Variants in RPH3AL observed in about 807,000 individuals in gnomAD.
RPH3AL encodes rabphilin 3A like (without C2 domains), also known as rab effector Noc2.
In RPH3AL, 38 loss-of-function variants were observed where a neutral mutation model predicts 43.1. That is an observed-to-expected ratio of 0.88 (90% CI 0.68 to 1.15). The LOEUF (loss-of-function observed/expected upper bound fraction) is 1.15. Ranked by LOEUF, RPH3AL falls within the 50% of genes most tolerant of loss-of-function variation. RPH3AL has a pLI of 0.00. For missense variants in RPH3AL, 462 were observed against 423.2 expected (o/e 1.09, Z -0.81); for synonymous variants, 189 against 176.3 (o/e 1.07, Z -0.57).
rs1555540477 is a variant in RPH3AL, at chr17:247,236, A to T, written c.488T>A (p.Ile163Asn). The change falls in exon 7 of 10, where the codon ATC (isoleucine) becomes AAC (asparagine). Residue 163 changes from isoleucine to asparagine, a missense_variant. Transcript: ENST00000331302. ...AWFYKGLPKY[I>N]LPLKTPGRAD... ...TCGGCCAGGGGTCTTCAGGGGCAAG[A>T]TATACTTGGGGAGCCCTTTGTAGAA... The T allele has an allele frequency of 1.2e-6, 2 of 1,611,210 alleles. No homozygotes were observed. The highest frequency in any genetic ancestry group is 1.7e-4 in the Middle Eastern group (1 of 5,842).
At chr17:315,648 C>CCCACCTCCATGGGCCTGTAGTCT (rs1224912295) in intron 5 of RPH3AL, among the ~76,000 whole-genome samples, 5 of 49,624 alleles carry the variant, frequency 1.0e-4, no homozygotes, top group Admixed American at 2.3e-4. Context: ...ACCTGTAGTC[C>CCCACCTCCATGGGCCTGTAGTCT]CTGTGCTCCA....
chr17:332,292 G>A (rs1013661151), intron 2 of RPH3AL: 19 of 260,992 alleles, frequency 7.3e-5, no homozygotes, highest in Admixed American at 1.5e-4. Flanking sequence ...GTGTGTGTGC[G>A]CGTGTGTGTG....
chr17:293,499 T>A (rs2043095710), intron 5 of RPH3AL, among the ~76,000 whole-genome samples: 1 of 151,456 alleles, frequency 6.6e-6, no homozygotes, highest in Non-Finnish European at 1.5e-5. Flanking sequence ...GGCAGCGGGG[T>A]CCAGGGGCCT....
intron 7 of RPH3AL, among the ~76,000 whole-genome samples, chr17:238,300 TGAAAC>T (rs1218712931): frequency 7.1e-6 from 1 of 140,438 alleles, no homozygotes; most frequent in Non-Finnish European, 1.6e-5. Flanking sequence ...AGCAACAAAA[TGAAAC>T]GAAACTCCAG....
In RPH3AL at chr17:274,357, G is replaced by A. The variant is rs1240441565; in HGVS notation, c.438+7411C>T. On this transcript the variant is annotated intron_variant, in intron 6 of 9. Coordinates refer to ENST00000331302, the MANE Select transcript of RPH3AL (RefSeq NM_006987.4). The surrounding 1 kb of genome is among the most constrained non-coding windows in gnomAD (Gnocchi z 4.7). Reference sequence around the variant, plus strand: ...CCACCTGGGCCTCGCCTGCCTGGCTGGAGTAGGGGCAGCAGCTGAAGCCGC... The same window carrying A: ...CCACCTGGGCCTCGCCTGCCTGGCTAGAGTAGGGGCAGCAGCTGAAGCCGC... Among the ~76,000 whole-genome samples, 3 of 152,242 alleles carry A rather than the reference G, an allele frequency of 2.0e-5. No individual in the cohort carries two copies. The highest frequency in any genetic ancestry group is 2.9e-5 in the Non-Finnish European group (2 of 68,044).
At position 213,848 on chromosome 17, in the gene RPH3AL, C is replaced by A. The variant is rs1231475844; in HGVS notation, c.*4G>T. On this transcript the variant is annotated 3_prime_UTR_variant, in exon 10 of 10. Coordinates refer to ENST00000331302, the MANE Select transcript of RPH3AL (RefSeq NM_006987.4). ...AGGGAAGTCTGTTCCAGGCACCAGA[C>A]ACCTCAGCCCAGGCAGCTGGAGGGG... is the stretch of plus-strand genomic sequence containing the variant. The A allele has an allele frequency of 6.2e-7, 1 of 1,612,772 alleles. No homozygotes were observed. Among genetic ancestry groups the A allele is most frequent in the Non-Finnish European group, 8.5e-7 (1 of 1,179,328 alleles).
At chr17:341,593 G>C in intron 1 of RPH3AL, among the ~76,000 whole-genome samples, 1 of 152,186 alleles carries the variant, frequency 6.6e-6, no homozygotes, top group East Asian at 1.9e-4. Flanking sequence ...AGATTTGGCA[G>C]TGATTTCTTA....
chr17:252,802 A>G (rs1482255337), intron 6 of RPH3AL, among the ~76,000 whole-genome samples: 1 of 152,224 alleles, frequency 6.6e-6, no homozygotes, highest in Non-Finnish European at 1.5e-5. Context: ...TATTTGCATT[A>G]TACTTAACCA....
intron 5 of RPH3AL, among the ~76,000 whole-genome samples, chr17:315,438 G>T (rs553993947): frequency 1.5e-5 from 2 of 136,950 alleles, no homozygotes; most frequent in African/African-American, 5.7e-5. Flanking sequence ...TGTAGTCCCT[G>T]TGCCTCACCT....
intron 6 of RPH3AL, among the ~76,000 whole-genome samples, chr17:279,685 A>C (rs2042733459): frequency 6.6e-6 from 1 of 152,182 alleles, no homozygotes. Flanking sequence ...GCCCTCCCAC[A>C]GCTCAGCTGT....
intron 5 of RPH3AL, among the ~76,000 whole-genome samples, chr17:286,925 G>GTCAGACCTCACACCCTCTCTCCACCA: frequency 8.9e-6 from 1 of 112,648 alleles, no homozygotes; most frequent in Non-Finnish European, 1.9e-5. Flanking sequence ...TCTCTCCACC[G>GTCAGACCTCACACCCTCTCTCCACCA]TCAGACCTCG....
At chr17:237,871 G>C (rs1407635172) in intron 7 of RPH3AL, among the ~76,000 whole-genome samples, 1 of 152,228 alleles carries the variant, frequency 6.6e-6, no homozygotes, top group African/African-American at 2.4e-5. Context: ...CAGCAGGCCG[G>C]GTGCGGTGGC....
At chr17:342,861 TAG>T (rs1231640038) in intron 1 of RPH3AL, among the ~76,000 whole-genome samples, 1 of 152,194 alleles carries the variant, frequency 6.6e-6, no homozygotes, top group Non-Finnish European at 1.5e-5. Context: ...AGAGAATTTA[TAG>T]AGTCTCATTG....
chr17:307,416 A>C (rs893249953), intron 5 of RPH3AL, among the ~76,000 whole-genome samples: 2 of 150,884 alleles, frequency 1.3e-5, no homozygotes, highest in African/African-American at 4.9e-5. Flanking sequence ...TCCCCACGGC[A>C]GATCCTCCCC....
chr17:291,578 G>A (rs1406165371), intron 5 of RPH3AL, among the ~76,000 whole-genome samples: 1 of 152,184 alleles, frequency 6.6e-6, no homozygotes, highest in African/African-American at 2.4e-5. Context: ...TGGCCTCGGT[G>A]CATGCACAAA....
intron 6 of RPH3AL, among the ~76,000 whole-genome samples, chr17:267,459 G>A (rs1172201060): frequency 2.0e-5 from 3 of 152,324 alleles, no homozygotes; most frequent in African/African-American, 4.8e-5. Context: ...CTTTTCAGAC[G>A]AGCGTCATGA....
At chr17:239,392 G>A (rs12937656) in intron 7 of RPH3AL, among the ~76,000 whole-genome samples, 4,097 of 152,294 alleles carry the variant, frequency 0.027, 95 homozygotes, top group Non-Finnish European at 0.038. Context: ...TTATGAGATA[G>A]GTCTGTTAGC....
In RPH3AL at chr17:333,398, C is replaced by T. The variant is rs2044854219; in HGVS notation, c.-37+361G>A. ...CTTAATGTAGCACCTTCCAACTTTTCCTGGGCATTTATGTACAAATTGTAA... is the reference window on the plus strand; with the variant it reads ...CTTAATGTAGCACCTTCCAACTTTTTCTGGGCATTTATGTACAAATTGTAA... On this transcript the variant is annotated intron_variant, in intron 2 of 9. Coordinates refer to ENST00000331302, the MANE Select transcript of RPH3AL (RefSeq NM_006987.4). The surrounding 1 kb of genome is among the most constrained non-coding windows in gnomAD (Gnocchi z 4.5). 1 of 843,454 alleles carries T rather than the reference C, an allele frequency of 1.2e-6. No individual in the cohort carries two copies. The highest frequency in any genetic ancestry group is 2.8e-5 in the Admixed American group (1 of 35,970). 52.2% of individuals were successfully genotyped at this position (843,454 alleles called of 1,614,324 possible). A position where few individuals can be genotyped will look rare whatever the true frequency, so the allele number is the denominator to read the frequency against.
In RPH3AL at chr17:247,129, T is replaced by A. The variant is rs1411847110; in HGVS notation, c.595A>T (p.Thr199Ser). ...PRSSETSRIY[T>S]WARGRVVSSD... ...GACTTACCTCTTCCTCGGGCCCACG[T>A]GTAGATGCGGCTGGTCTCAGAGCTT... The change falls in exon 7 of 10, where the codon ACG (threonine) becomes TCG (serine). Residue 199 changes from threonine to serine, a missense_variant. Coordinates refer to ENST00000331302, the MANE Select transcript of RPH3AL (RefSeq NM_006987.4). 1 of 1,614,036 alleles carries A rather than the reference T, an allele frequency of 6.2e-7. No individual in the cohort carries two copies. The highest frequency in any genetic ancestry group is 8.5e-7 in the Non-Finnish European group (1 of 1,180,042).
Sources: allele counts gnomAD v4.1 joint callset (sites outside exome capture counted in the v4.1 genomes callset), GRCh38; gene constraint gnomAD v4.1.1; non-coding constraint Gnocchi (gnomAD v3.1); transcripts MANE v1.5; gene names NCBI Gene and HGNC (gene_info 2026-07-23, HGNC 2026-07-21).